ZNF385B: variants seen among roughly 807,000 people sequenced by gnomAD.
ZNF385B encodes the protein zinc finger protein 385B.
A neutral mutation model predicts 39.2 loss-of-function variants in ZNF385B; 23 were observed. That is an observed-to-expected ratio of 0.59 (90% CI 0.42 to 0.83). The LOEUF (loss-of-function observed/expected upper bound fraction) is 0.83, where lower values mean the gene tolerates loss of function less well. Among genes scored for constraint, ZNF385B ranks in the 40% least tolerant of loss-of-function variants. ZNF385B has a pLI of 0.00. For missense variants in ZNF385B, 552 were observed against 598.9 expected, an observed-to-expected ratio of 0.92 and a Z score of 0.82; for synonymous variants, 205 against 222.6, an observed-to-expected ratio of 0.92 and a Z score of 0.70.
At chr2:179,462,380 G>GCT (rs2051429668) in intron 6 of ZNF385B, among the ~76,000 whole-genome samples, 1 of 152,226 alleles carries the variant, frequency 6.6e-6, no homozygotes, top group African/African-American at 2.4e-5. Flanking sequence ...AGCTCAGGGG[G>GCT]CTCTACAGCA....
chr2:179,766,115 C>T (rs951087925), intron 3 of ZNF385B, among the ~76,000 whole-genome samples: 1 of 151,452 alleles, frequency 6.6e-6, no homozygotes. Flanking sequence ...TGTTCTAAAG[C>T]TCAGATCTAA....
In ZNF385B at chr2:179,674,990, A is replaced by T. The variant is rs547513062; in HGVS notation, c.298+94513T>A. 3.9e-5 allele frequency among the ~76,000 whole-genome samples: 6 copies of T among 152,354 alleles called. No individual in the cohort carries two copies. The South Asian group carries it at 1.2e-3, about 32-fold the overall frequency. Reference sequence around the variant, plus strand: ...TCAAGGTTGTGTTAAATTTGTATACAGTTACCCTTGAATACTATGGGAGTT... The same window carrying T: ...TCAAGGTTGTGTTAAATTTGTATACTGTTACCCTTGAATACTATGGGAGTT... On this transcript the variant is annotated intron_variant, in intron 3 of 9. Transcript: ENST00000410066.
chr2:179,818,212 A>G (rs542259965), intron 1 of ZNF385B, among the ~76,000 whole-genome samples: 1 of 152,314 alleles, frequency 6.6e-6, no homozygotes, highest in East Asian at 1.9e-4. Flanking sequence ...GATTTCTTAA[A>G]AAATCATACA....
chr2:179,634,498 A>G (rs907117268), intron 3 of ZNF385B, among the ~76,000 whole-genome samples: 2 of 152,226 alleles, frequency 1.3e-5, no homozygotes, highest in Non-Finnish European at 2.9e-5. Flanking sequence ...GAAAACCACA[A>G]TGAGATACCA....
intron 6 of ZNF385B, among the ~76,000 whole-genome samples, chr2:179,466,737 G>A (rs1450128196): frequency 1.3e-5 from 2 of 151,352 alleles, no homozygotes; most frequent in Non-Finnish European, 2.9e-5. Flanking sequence ...CCTGGCTAAC[G>A]TGATGCAACT....
In ZNF385B at chr2:179,542,299, T is replaced by C. The variant is rs573322407; in HGVS notation, c.441+2528A>G. 3.9e-3 allele frequency among the ~76,000 whole-genome samples: 598 copies of C among 152,312 alleles called. 4 individuals are homozygous for C. The highest frequency in any genetic ancestry group is 0.033 in the South Asian group (158 of 4,828). ...GATAGAGGGTGCCACTTGGAATGACTTAATATTTAATACACTACTAGAAGG... is the reference window on the plus strand; with the variant it reads ...GATAGAGGGTGCCACTTGGAATGACCTAATATTTAATACACTACTAGAAGG... On this transcript the variant is annotated intron_variant, in intron 4 of 9. Coordinates refer to ENST00000410066, the MANE Select transcript of ZNF385B (RefSeq NM_152520.6).
chr2:179,845,570 A>T (rs992286317), intron 1 of ZNF385B, among the ~76,000 whole-genome samples: 1 of 152,184 alleles, frequency 6.6e-6, no homozygotes, highest in Admixed American at 6.5e-5. Flanking sequence ...CATACAAAAG[A>T]AATATATGGA....
intron 1 of ZNF385B, among the ~76,000 whole-genome samples, chr2:179,845,251 T>TG (rs1708741543): frequency 6.6e-6 from 1 of 152,196 alleles, no homozygotes; most frequent in Non-Finnish European, 1.5e-5. Context: ...TTCAATTCTT[T>TG]AGTGGGTCAT....
intron 1 of ZNF385B, among the ~76,000 whole-genome samples, chr2:179,794,382 T>A (rs1278966502): frequency 7.2e-6 from 1 of 138,560 alleles, no homozygotes; most frequent in East Asian, 2.2e-4. Flanking sequence ...GATTATCAGT[T>A]TCTGGAGGTG....
At chr2:179,798,303 G>A (rs971997120) in intron 1 of ZNF385B, among the ~76,000 whole-genome samples, 2 of 151,762 alleles carry the variant, frequency 1.3e-5, no homozygotes, top group Non-Finnish European at 2.9e-5. Flanking sequence ...ATTTCTCCAA[G>A]GACACCCCAT....
chr2:179,642,426 A>G (rs1346206465), intron 3 of ZNF385B, among the ~76,000 whole-genome samples: 1 of 152,046 alleles, frequency 6.6e-6, no homozygotes, highest in Non-Finnish European at 1.5e-5. Context: ...TCCTTCATCC[A>G]TGTCCTCTCC....
intron 3 of ZNF385B, among the ~76,000 whole-genome samples, chr2:179,726,733 G>T (rs537766044): frequency 4.3e-4 from 65 of 152,124 alleles, no homozygotes; most frequent in Middle Eastern, 3.4e-3. Context: ...TAAATAACTT[G>T]TGACAATGAT....
At chr2:179,777,455 CTA>C (rs1160510809) in intron 1 of ZNF385B, among the ~76,000 whole-genome samples, 1 of 151,982 alleles carries the variant, frequency 6.6e-6, no homozygotes, top group African/African-American at 2.4e-5. Flanking sequence ...AGCTAAATAA[CTA>C]TGGACAAAAC....
rs1559335086 is a variant in ZNF385B at position 179,493,609 on chromosome 2, GTACGTACATA to G, written c.553-10185_553-10176del. Among the ~76,000 whole-genome samples, 710 of 102,928 alleles carry G rather than the reference GTACGTACATA, an allele frequency of 6.9e-3. 9 individuals are homozygous for G. Among genetic ancestry groups the G allele is most frequent in the African/African-American group, 0.022 (657 of 29,712 alleles). The allele number at this position is 102,928 out of a possible 152,430, so 67.5% of individuals were successfully genotyped here. On this transcript the variant is annotated intron_variant, in intron 5 of 9. Transcript: ENST00000410066. The stretch of plus-strand genomic sequence containing the variant: ...TGTACATATATGCGTATACATATAT[GTACGTACATA>G]TATGTATACGCATATGTATACACAT...
chr2:179,741,518 A>G (rs1438305157), intron 3 of ZNF385B, among the ~76,000 whole-genome samples: 1 of 152,146 alleles, frequency 6.6e-6, no homozygotes, highest in Non-Finnish European at 1.5e-5. Context: ...GAGGTTGCCC[A>G]ATATCTAAGA....
chr2:179,729,118 A>ATTC (rs34688873), intron 3 of ZNF385B, among the ~76,000 whole-genome samples: 22,435 of 142,258 alleles, frequency 0.16, 2,237 homozygotes, highest in East Asian at 0.52. Context: ...TAATGAAAAT[A>ATTC]TTCTATTCTC....
At chr2:179,622,014 C>G (rs1227516716) in intron 3 of ZNF385B, among the ~76,000 whole-genome samples, 1 of 152,120 alleles carries the variant, frequency 6.6e-6, no homozygotes, top group African/African-American at 2.4e-5. Flanking sequence ...TTTATCTCTT[C>G]CACTGTATAC....
At chr2:179,639,693 A>G (rs982043076) in intron 3 of ZNF385B, among the ~76,000 whole-genome samples, 1 of 152,164 alleles carries the variant, frequency 6.6e-6, no homozygotes, top group Non-Finnish European at 1.5e-5. Flanking sequence ...AATGGTAGAA[A>G]CAGAAAACTA....
intron 3 of ZNF385B, among the ~76,000 whole-genome samples, chr2:179,702,099 A>G (rs1242845060): frequency 6.6e-6 from 1 of 152,204 alleles, no homozygotes; most frequent in Admixed American, 6.5e-5. Context: ...AGATGTATAC[A>G]TATGTAACAA....
Sources: allele counts gnomAD v4.1 joint callset (sites outside exome capture counted in the v4.1 genomes callset), GRCh38; gene constraint gnomAD v4.1.1; transcripts MANE v1.5; gene names NCBI Gene and HGNC (gene_info 2026-07-23, HGNC 2026-07-21).